EPS8L2: variants seen among roughly 807,000 people sequenced by gnomAD.
EPS8L2 encodes epidermal growth factor receptor kinase substrate 8-like protein 2.
EPS8L2 carries 81 observed loss-of-function variants against 99.4 expected under a neutral mutation model. The observed-to-expected ratio is 0.82, with a 90% CI of 0.68 to 0.98. The LOEUF (loss-of-function observed/expected upper bound fraction) is 0.98, where lower values mean the gene tolerates loss of function less well. Ranked by LOEUF, EPS8L2 falls within the 50% of genes least tolerant of loss-of-function variation. The probability of loss-of-function intolerance (pLI) is 0.00; values close to 1 mark genes in which losing one functional copy is unlikely to be tolerated. For synonymous variants in EPS8L2, 509 were observed against 407.3 expected (o/e 1.25, Z -3.01); for missense variants, 1,155 against 968.8 (o/e 1.19, Z -2.55).
rs10902202 is a variant in EPS8L2, at chr11:709,401, A to G, written c.-7A>G. ...CCCTTCTCCCGCTGGCCGCCACCCA[A>G]GACACCATGAGCCAGTCCGGGGCCG... is the stretch of plus-strand genomic sequence containing the variant. On this transcript the variant is annotated 5_prime_UTR_variant, in exon 2 of 21. Transcript: ENST00000318562. The G allele has an allele frequency of 0.21, 330,923 of 1,580,264 alleles. 39,198 individuals carry two copies. The highest frequency in any genetic ancestry group is 0.47 in the African/African-American group (34,405 of 73,982).
At chr11:709,852 G>GT in intron 3 of EPS8L2, 1 of 588,924 alleles carries the variant, frequency 1.7e-6, no homozygotes, top group African/African-American at 1.9e-5. Context: ...TATTGATTCC[G>GT]CTGCACTCAT....
In EPS8L2 at chr11:723,266, T is replaced by C. The variant is rs1376990776; in HGVS notation, c.1367T>C (p.Ile456Thr). ...EEVSPVSRQS[I>T]RNSQKHSPTS... ...GTGAGTCCAGTGAGCCGACAGTCCA[T>C]AAGAAACTCCCAGAAGCACAGCCCC... The change falls in exon 15 of 21, where the codon ATA (isoleucine) becomes ACA (threonine). Residue 456 changes from isoleucine (I) to threonine (T), a missense_variant. By Grantham distance (89) the Ile-to-Thr change is moderately conservative. Coordinates refer to ENST00000318562, the MANE Select transcript of EPS8L2 (RefSeq NM_022772.4). 1 of 1,604,462 alleles carries C rather than the reference T, an allele frequency of 6.2e-7. No individual in the cohort carries two copies. The highest frequency in any genetic ancestry group is 8.5e-7 in the Non-Finnish European group (1 of 1,176,856).
Position 721,116 on chromosome 11 carries a change from G to C in EPS8L2, c.610G>C (p.Gly204Arg), listed in dbSNP as rs1274632093. 1.3e-6 allele frequency: 2 copies of C among 1,534,006 alleles called. No homozygotes were observed. Among genetic ancestry groups the C allele is most frequent in the Admixed American group, 2.0e-5 (1 of 49,848 alleles). Residue 204 changes from glycine to arginine, a missense_variant, in exon 8 of 21, where the codon GGC becomes CGC. Physicochemically the swap from Gly to Arg is moderately radical, Grantham distance 125 (BLOSUM62 -2). Transcript: ENST00000318562. ...GCAGTCCATCCTGCCTCCTCCCCAG[G>C]GCCCGGCGCCCATCCCCTTCCAGCA... ...QRQSILPPPQGPAPIPFQHRG... is the reference protein window; with the variant it reads ...QRQSILPPPQRPAPIPFQHRG...
rs777623290 is a variant in EPS8L2 at position 724,686 on chromosome 11, C to T, written c.1455-38C>T. ...ACTGCCCAGGTCTCAGAGGAGACCCCCACCAGACTGGGCCTCAGCCCCTCC... is the reference window on the plus strand; with the variant it reads ...ACTGCCCAGGTCTCAGAGGAGACCCTCACCAGACTGGGCCTCAGCCCCTCC... On this transcript the variant is annotated intron_variant, in intron 15 of 20. Transcript: ENST00000318562. The surrounding 1 kb of genome is among the most constrained non-coding windows in gnomAD (Gnocchi z 5.5). The T allele has an allele frequency of 3.6e-5, 53 of 1,486,008 alleles. No homozygotes were observed. Among genetic ancestry groups the T allele is most frequent in the Non-Finnish European group, 4.7e-5 (50 of 1,064,872 alleles). 92.1% of individuals were successfully genotyped at this position (1,486,008 alleles called of 1,614,324 possible).
intron 17 of EPS8L2, 42 bp downstream of exon 17, chr11:725,889 C>G: frequency 7.3e-7 from 1 of 1,362,938 alleles, no homozygotes; most frequent in Non-Finnish European, 9.4e-7. Context: ...CCCCAGCTTC[C>G]TGGAGCAGCC....
Position 726,738 on chromosome 11 carries a change from A to C in EPS8L2, c.2054A>C (p.Lys685Thr), listed in dbSNP as rs759915269. ...GTGTACAGCCAGCTCACCATGCAGA[A>C]GGCCTTCCTGGAGGTGAGCCCGCCT... Reference protein sequence around the residue: ...VRVYSQLTMQKAFLEKQQSGS... With the variant: ...VRVYSQLTMQTAFLEKQQSGS... The change falls in exon 20 of 21, where the codon AAG (lysine) becomes ACG (threonine). Residue 685 changes from lysine to threonine, a missense_variant. Transcript: ENST00000318562. 429 of 1,594,024 alleles carry C rather than the reference A, an allele frequency of 2.7e-4. No homozygotes were observed. The highest frequency in any genetic ancestry group is 3.5e-4 in the Non-Finnish European group (405 of 1,172,212).
chr11:720,914 G>C lies in EPS8L2; in HGVS notation c.557+5G>C, dbSNP rs1862141134. Reference sequence around the variant, plus strand: ...GATGCGGCCGCAGACCCTGAAGTAGGGCAGCGGGCGGAGCGGGGTCGCAGG... The same window carrying C: ...GATGCGGCCGCAGACCCTGAAGTAGCGCAGCGGGCGGAGCGGGGTCGCAGG... On this transcript the variant is annotated splice_donor_5th_base_variant and intron_variant, in intron 7 of 20. Coordinates refer to ENST00000318562, the MANE Select transcript of EPS8L2 (RefSeq NM_022772.4). 1.4e-6 allele frequency: 2 copies of C among 1,475,900 alleles called. No individual in the cohort carries two copies. Among genetic ancestry groups the C allele is most frequent in the Admixed American group, 2.1e-5 (1 of 48,258 alleles). The allele number at this position is 1,475,900 out of a possible 1,614,324, so 91.4% of individuals were successfully genotyped here.
chr11:720,759 C>A lies in EPS8L2; in HGVS notation c.477+13C>A, dbSNP rs778266262. 1 of 1,022,920 alleles carries A rather than the reference C, an allele frequency of 9.8e-7. No homozygotes were observed. The highest frequency in any genetic ancestry group is 1.4e-5 in the South Asian group (1 of 72,668). 63.4% of individuals were successfully genotyped at this position (1,022,920 alleles called of 1,614,324 possible). ...CGATGAGGTGGAGGTGAGGCGGTGC[C>A]GGGCGGGGCAGGGTGGGGCCCCGCC... On this transcript the variant is annotated intron_variant, in intron 6 of 20. Coordinates refer to ENST00000318562, the MANE Select transcript of EPS8L2 (RefSeq NM_022772.4).
rs772241586 is a variant in EPS8L2 at position 724,796 on chromosome 11, C to G, written c.1527C>G (p.Asn509Lys). The G allele has an allele frequency of 1.2e-6, 2 of 1,613,548 alleles. No homozygotes were observed. Among genetic ancestry groups the G allele is most frequent in the Non-Finnish European group, 1.7e-6 (2 of 1,179,890 alleles). Residue 509 changes from asparagine to lysine, a missense_variant, in exon 16 of 21, where the codon AAC (asparagine) becomes AAG (lysine). Physicochemically the swap from Asn to Lys is moderately conservative, Grantham distance 94. Coordinates refer to ENST00000318562, the MANE Select transcript of EPS8L2 (RefSeq NM_022772.4). The surrounding 1 kb of genome is among the most constrained non-coding windows in gnomAD (Gnocchi z 5.5). ...ILYDFTARNA[N>K]ELSVLKDEVL... is the part of the protein sequence containing the mutation. ...ATGACTTCACAGCCCGAAATGCCAA[C>G]GAGCTATCGGTGCTCAAGGATGAGG...
chr11:725,743 C>G lies in EPS8L2; in HGVS notation c.1576C>G (p.Arg526Gly), dbSNP rs775170562. 2.6e-5 allele frequency: 35 copies of G among 1,329,802 alleles called. No homozygotes were observed. The East Asian group carries it at 9.8e-4, about 37-fold the overall frequency. The allele number at this position is 1,329,802 out of a possible 1,614,324, so 82.4% of individuals were successfully genotyped here. ...DEVLEVLEDG[R>G]QWWKLRSRSG... ...CGCCCCGCAGGTGCTGGAGGACGGC[C>G]GGCAGTGGTGGAAGCTGCGCAGCCG... The change falls in exon 17 of 21, where the codon CGG becomes GGG. Residue 526 changes from arginine to glycine, a missense_variant. Coordinates refer to ENST00000318562, the MANE Select transcript of EPS8L2 (RefSeq NM_022772.4).
chr11:725,583 T>A, intron 16 of EPS8L2, 145 bp from the exon 17 acceptor site: 1 of 734,524 alleles, frequency 1.4e-6, no homozygotes, highest in Non-Finnish European at 1.9e-6. Context: ...GATGGAGGGG[T>A]GGAAACAGGG....
intron 1 of EPS8L2, among the ~76,000 whole-genome samples, chr11:707,398 A>G (rs1262866388): frequency 6.6e-6 from 1 of 152,046 alleles, no homozygotes; most frequent in African/African-American, 2.4e-5. Context: ...CCCCTCCCCA[A>G]GGTCACTCAG....
intron 3 of EPS8L2, chr11:710,210 G>C (rs1861847894): frequency 1.8e-6 from 1 of 566,338 alleles, no homozygotes; most frequent in Non-Finnish European, 3.2e-6. Flanking sequence ...CCTTCTCCGA[G>C]CTGCGTCCTT....
chr11:707,765 CA>C (rs1260716356), intron 1 of EPS8L2, among the ~76,000 whole-genome samples: 4 of 152,154 alleles, frequency 2.6e-5, no homozygotes, highest in Non-Finnish European at 5.9e-5. Context: ...TGGCCTTCCC[CA>C]GGGGGGTCGC....
rs559379800 is a variant in EPS8L2, at chr11:707,505, G to A, written c.-79+1217G>A. On this transcript the variant is annotated intron_variant, in intron 1 of 20. Coordinates refer to ENST00000318562, the MANE Select transcript of EPS8L2 (RefSeq NM_022772.4). ...CACAGCCCGACTGACCGGGCACCCCGCTCTGCCTCACTTCACACCGGGAAA... is the reference window on the plus strand; with the variant it reads ...CACAGCCCGACTGACCGGGCACCCCACTCTGCCTCACTTCACACCGGGAAA... 5.3e-5 allele frequency among the ~76,000 whole-genome samples: 8 copies of A among 152,200 alleles called. No homozygotes were observed. In the South Asian group the frequency reaches 1.7e-3, roughly 32 times the overall value.
chr11:706,803 T>G (rs1434319990), intron 1 of EPS8L2: 1 of 152,242 alleles, frequency 6.6e-6, no homozygotes, highest in Non-Finnish European at 1.5e-5. Flanking sequence ...ACCAGCTGGG[T>G]CAGTCTCCAG....
intron 4 of EPS8L2, among the ~76,000 whole-genome samples, chr11:719,050 C>T (rs779000679): frequency 1.3e-5 from 2 of 149,938 alleles, no homozygotes; most frequent in Admixed American, 1.3e-4. Context: ...ACTGTAACCT[C>T]TGCCTCCTGG....
At chr11:721,733 G>A in intron 10 of EPS8L2, 42 bp downstream of exon 10, 1 of 1,280,064 alleles carries the variant, frequency 7.8e-7, no homozygotes, top group Non-Finnish European at 1.1e-6. Flanking sequence ...CAGGGGACGG[G>A]GCCAGCAGGT....
At chr11:709,890 A>G (rs1164464662) in intron 3 of EPS8L2, 2 of 528,280 alleles carry the variant, frequency 3.8e-6, no homozygotes, top group African/African-American at 1.9e-5. Context: ...AGCGAGGTTC[A>G]GGCAGGATAA....
Sources: allele counts gnomAD v4.1 joint callset (sites outside exome capture counted in the v4.1 genomes callset), GRCh38; gene constraint gnomAD v4.1.1; non-coding constraint Gnocchi (gnomAD v3.1); transcripts MANE v1.5; gene names NCBI Gene and HGNC (gene_info 2026-07-23, HGNC 2026-07-21).